ASPHD2: variants seen among roughly 807,000 people sequenced by gnomAD.
ASPHD2 encodes the protein aspartate beta-hydroxylase domain-containing protein 2.
ASPHD2 carries 12 observed loss-of-function variants against 34.6 expected under a neutral mutation model. The observed-to-expected ratio is 0.35, with a 90% CI of 0.22 to 0.56. ASPHD2 has a LOEUF of 0.56. Among genes scored for constraint, ASPHD2 ranks in the 20% least tolerant of loss-of-function variants. The probability of loss-of-function intolerance (pLI) is 0.87; values close to 1 mark genes in which losing one functional copy is unlikely to be tolerated. For synonymous variants in ASPHD2, 224 were observed against 212.2 expected (o/e 1.06, Z -0.48); for missense variants, 375 against 505.0 (o/e 0.74, Z 2.47).
chr22:26,431,331 G>C (rs944990117), intron 1 of ASPHD2, among the ~76,000 whole-genome samples: 3 of 151,844 alleles, frequency 2.0e-5, no homozygotes, highest in Non-Finnish European at 4.4e-5. Context: ...AGAAACAGGG[G>C]GCTGAAGGGG....
chr22:26,434,143 G>T lies in ASPHD2; in HGVS notation c.528G>T (p.Thr176=), dbSNP rs750924865. 9 of 1,611,926 alleles carry T rather than the reference G, an allele frequency of 5.6e-6. No individual in the cohort carries two copies. The South Asian group carries it at 7.7e-5, about 14-fold the overall frequency. Residue 176 remains threonine (T), a synonymous_variant, in exon 2 of 4, where the codon ACG becomes ACT. Transcript: ENST00000215906. ...TCTTCCTGCCCGACCTGCCCACCAC[G>T]CCCTATTTCTCCCGGGACGCACAGA... ...EVFFLPDLPT[T]PYFSRDAQKH... is the part of the protein sequence containing the mutation.
chr22:26,442,562 G>T lies in ASPHD2; in HGVS notation c.990G>T (p.Ala330=). The part of the protein sequence containing the change: ...LLFDDSFLHA[A]FHEGSAEDGP... Reference sequence around the variant, plus strand: ...TTGATGACTCTTTCCTGCATGCTGCGTTCCATGAAGGTGAGTGGCTGCCTT... The same window carrying T: ...TTGATGACTCTTTCCTGCATGCTGCTTTCCATGAAGGTGAGTGGCTGCCTT... The change falls in exon 3 of 4, where the codon GCG becomes GCT. Residue 330 remains alanine, a synonymous_variant. Coordinates refer to ENST00000215906, the MANE Select transcript of ASPHD2 (RefSeq NM_020437.5). 1 of 1,604,570 alleles carries T rather than the reference G, an allele frequency of 6.2e-7. No individual in the cohort carries two copies. The highest frequency in any genetic ancestry group is 8.5e-7 in the Non-Finnish European group (1 of 1,174,186).
Position 26,434,584 on chromosome 22 carries a change from T to A in ASPHD2, c.886+83T>A, listed in dbSNP as rs1438282933. The A allele has an allele frequency of 7.6e-6, 11 of 1,438,492 alleles. 1 individual carries two copies. The highest frequency in any genetic ancestry group is 2.3e-5 in the East Asian group (1 of 43,316). The allele number at this position is 1,438,492 out of a possible 1,614,324, so 89.1% of individuals were successfully genotyped here. A position where few individuals can be genotyped will look rare whatever the true frequency, so the allele number is the denominator to read the frequency against. ...CATCAAAACATCGCGAAAGCTCAAA[T>A]GGTCAGAATTGCGCCTTTTCGCATT... On this transcript the variant is annotated intron_variant, in intron 2 of 3. Transcript: ENST00000215906.
chr22:26,435,740 GAAAA>G (rs1276841751), intron 2 of ASPHD2, among the ~76,000 whole-genome samples: 5 of 137,124 alleles, frequency 3.6e-5, no homozygotes, highest in Non-Finnish European at 8.1e-5. Flanking sequence ...GAAAAGAAAA[GAAAA>G]GAAAAGAAAA....
At position 26,433,686 on chromosome 22, in the gene ASPHD2, C is replaced by A. The variant is rs775479014; in HGVS notation, c.71C>A (p.Ser24Tyr). 1.9e-6 allele frequency: 3 copies of A among 1,614,012 alleles called. No homozygotes were observed. In the South Asian group the frequency reaches 3.3e-5, roughly 18 times the overall value. The change falls in exon 2 of 4, where the codon TCC (serine) becomes TAC (tyrosine). Residue 24 changes from serine (S) to tyrosine (Y), a missense_variant. Physicochemically the swap from Ser to Tyr is moderately radical, Grantham distance 144. Transcript: ENST00000215906. This position sits in a 1 kb window ranked among gnomAD's most constrained non-coding sequence, Gnocchi z 5.1. ...LTLLHTPSKD[S>Y]PKMSLEWLVA... Reference sequence around the variant, plus strand: ...TTGCTTCACACGCCCAGTAAGGACTCCCCCAAGATGTCGCTCGAGTGGCTG... The same window carrying A: ...TTGCTTCACACGCCCAGTAAGGACTACCCCAAGATGTCGCTCGAGTGGCTG...
rs2084856414 is a variant in ASPHD2 at position 26,442,502 on chromosome 22, G to A, written c.930G>A (p.Glu310=). The A allele has an allele frequency of 1.2e-6, 2 of 1,609,884 alleles. No individual in the cohort carries two copies. The highest frequency in any genetic ancestry group is 1.7e-5 in the Admixed American group (1 of 59,220). Residue 310 remains glutamate (E), a synonymous_variant, in exon 3 of 4, where the codon GAG becomes GAA. Coordinates refer to ENST00000215906, the MANE Select transcript of ASPHD2 (RefSeq NM_020437.5). ...PNGCELVVGG[E]PQCWAEGRCL... Reference sequence around the variant, plus strand: ...GCTGTGAGCTGGTGGTGGGGGGAGAGCCCCAGTGCTGGGCAGAAGGGCGCT... The same window carrying A: ...GCTGTGAGCTGGTGGTGGGGGGAGAACCCCAGTGCTGGGCAGAAGGGCGCT...
chr22:26,438,634 C>CATATATATATATACATACATAT (rs368513588), intron 2 of ASPHD2, among the ~76,000 whole-genome samples: 3 of 83,398 alleles, frequency 3.6e-5, no homozygotes, highest in African/African-American at 1.5e-4. Context: ...CATATATATA[C>CATATATATATATACATACATAT]ATATATATAT....
intron 2 of ASPHD2, among the ~76,000 whole-genome samples, chr22:26,440,388 G>C (rs117111881): frequency 6.6e-6 from 1 of 152,164 alleles, no homozygotes; most frequent in East Asian, 1.9e-4. Context: ...CTGGAGTGCG[G>C]TGATGCAATC....
In ASPHD2 at chr22:26,429,702, C is replaced by A. The variant is rs2084745028; in HGVS notation, c.-225+216C>A. 6.6e-6 allele frequency among the ~76,000 whole-genome samples: 1 copy of A among 152,006 alleles called. No homozygotes were observed. The highest frequency in any genetic ancestry group is 2.4e-5 in the African/African-American group (1 of 41,422). On this transcript the variant is annotated intron_variant, in intron 1 of 3. Coordinates refer to ENST00000215906, the MANE Select transcript of ASPHD2 (RefSeq NM_020437.5). This position sits in a 1 kb window ranked among gnomAD's most constrained non-coding sequence, Gnocchi z 4.5. ...AGTGCTCGTACGTGCTAAGCGCCGC[C>A]GCCTCGGAGCCGGGCATCACCCTCC...
Position 26,433,807 on chromosome 22 carries a change from G to A in ASPHD2, c.192G>A (p.Val64=). 1 of 1,613,996 alleles carries A rather than the reference G, an allele frequency of 6.2e-7. No individual in the cohort carries two copies. The highest frequency in any genetic ancestry group is 2.2e-5 in the East Asian group (1 of 44,884). ...RDCDTTAVIT[V]ACLLVLFVWY... is the part of the protein sequence containing the mutation. ...GCGACACCACCGCTGTCATCACTGT[G>A]GCCTGCCTCCTGGTCCTCTTCGTGT... Residue 64 remains valine (V), a synonymous_variant, in exon 2 of 4, where the codon GTG becomes GTA. Coordinates refer to ENST00000215906, the MANE Select transcript of ASPHD2 (RefSeq NM_020437.5). This position sits in a 1 kb window ranked among gnomAD's most constrained non-coding sequence, Gnocchi z 5.1.
intron 1 of ASPHD2, among the ~76,000 whole-genome samples, chr22:26,431,466 C>A (rs2084755893): frequency 6.6e-6 from 1 of 151,684 alleles, no homozygotes; most frequent in Non-Finnish European, 1.5e-5. Context: ...AGCTTCTAAC[C>A]TCCCCACTCT....
chr22:26,439,621 G>A (rs2084823651), intron 2 of ASPHD2, among the ~76,000 whole-genome samples: 1 of 152,170 alleles, frequency 6.6e-6, no homozygotes, highest in Admixed American at 6.5e-5. Context: ...TACCTGTTAA[G>A]TGTGTATTTA....
intron 2 of ASPHD2, among the ~76,000 whole-genome samples, chr22:26,439,867 A>G (rs1484806017): frequency 6.6e-6 from 1 of 152,162 alleles, no homozygotes; most frequent in Non-Finnish European, 1.5e-5. Flanking sequence ...CTTTATTTGA[A>G]TTATTACTGT....
In ASPHD2 at chr22:26,434,128, C is replaced by T. The variant is rs200752868; in HGVS notation, c.513C>T (p.Pro171=). Residue 171 remains proline (P), a synonymous_variant, in exon 2 of 4, where the codon CCC becomes CCT. Transcript: ENST00000215906. ...AGAAGCCCGAGGTCTTCTTCCTGCC[C>T]GACCTGCCCACCACGCCCTATTTCT... ...SIQKPEVFFL[P]DLPTTPYFSR... The T allele has an allele frequency of 2.1e-5, 34 of 1,611,868 alleles. No homozygotes were observed. The highest frequency in any genetic ancestry group is 2.7e-5 in the Non-Finnish European group (32 of 1,179,186).
At chr22:26,441,293 A>C (rs937444587) in intron 2 of ASPHD2, among the ~76,000 whole-genome samples, 3 of 151,980 alleles carry the variant, frequency 2.0e-5, no homozygotes, top group African/African-American at 7.3e-5. Flanking sequence ...CCCGGTCAAC[A>C]TAGCAAGACC....
intron 2 of ASPHD2, 25 bp from the exon 3 acceptor site, chr22:26,442,434 C>G (rs921249530): frequency 2.6e-6 from 4 of 1,527,302 alleles, no homozygotes; most frequent in Non-Finnish European, 3.6e-6. Flanking sequence ...TGCCTTCACT[C>G]TCCTTTCTCT....
At chr22:26,440,818 A>G (rs1183323101) in intron 2 of ASPHD2, among the ~76,000 whole-genome samples, 1 of 152,222 alleles carries the variant, frequency 6.6e-6, no homozygotes, top group East Asian at 1.9e-4. Context: ...TTGATTTTTT[A>G]ATCGCAACTG....
chr22:26,442,826 A>T (rs909938104), intron 3 of ASPHD2, among the ~76,000 whole-genome samples: 1 of 152,194 alleles, frequency 6.6e-6, no homozygotes, highest in African/African-American at 2.4e-5. Flanking sequence ...CGGACCTACC[A>T]TGACAGTATC....
chr22:26,438,626 T>C (rs1330756925), intron 2 of ASPHD2, among the ~76,000 whole-genome samples: 5 of 85,716 alleles, frequency 5.8e-5, no homozygotes, highest in Middle Eastern at 6.3e-3. Context: ...TATACACACA[T>C]ATATATACAT....
Sources: allele counts gnomAD v4.1 joint callset (sites outside exome capture counted in the v4.1 genomes callset), GRCh38; gene constraint gnomAD v4.1.1; non-coding constraint Gnocchi (gnomAD v3.1); transcripts MANE v1.5; gene names NCBI Gene and HGNC (gene_info 2026-07-23, HGNC 2026-07-21).